The following LYPLAL1 variants were observed in gnomAD, a reference collection of about 807,000 sequenced individuals.
The protein encoded by LYPLAL1 is lysophospholipase-like protein 1.
A neutral mutation model predicts 19.7 loss-of-function variants in LYPLAL1; 23 were observed. The ratio of observed to expected loss-of-function variants is 1.17; its 90% confidence interval spans 0.84 to 1.65. LYPLAL1 has a LOEUF of 1.65. LYPLAL1 is among the 40% of genes most tolerant of loss of function. The pLI is 0.00. For missense variants in LYPLAL1, 355 were observed against 279.4 expected (o/e 1.27, Z -1.93); for synonymous variants, 119 against 96.3 (o/e 1.24, Z -1.38).
the LYPLAL1 span, among the ~76,000 whole-genome samples, chr1:219,241,140 A>ATATATATATATATATT: frequency 1.1e-5 from 1 of 94,818 alleles, no homozygotes; most frequent in Non-Finnish European, 2.3e-5. Context: ...CTCTCTATAT[A>ATATATATATATATATT]TATATATATA....
chr1:219,439,978 T>TATATATATACAC, the LYPLAL1 span, among the ~76,000 whole-genome samples: 3 of 66,090 alleles, frequency 4.5e-5, no homozygotes, highest in Admixed American at 1.4e-4. Context: ...TATATACATA[T>TATATATATACAC]ATATATATAT....
the LYPLAL1 span, among the ~76,000 whole-genome samples, chr1:219,405,686 A>G: frequency 6.6e-6 from 1 of 152,276 alleles, no homozygotes; most frequent in South Asian, 2.1e-4. Context: ...CCTTTTTTCT[A>G]ATAGCAGGCT....
At chr1:219,293,908 T>C in the LYPLAL1 span, among the ~76,000 whole-genome samples, 17 of 152,280 alleles carry the variant, frequency 1.1e-4, no homozygotes, top group African/African-American at 3.1e-4. Flanking sequence ...ACTTACGTTT[T>C]CTCTGCCTTG....
chr1:219,313,394 A>C, the LYPLAL1 span, among the ~76,000 whole-genome samples: 1 of 152,236 alleles, frequency 6.6e-6, no homozygotes, highest in Non-Finnish European at 1.5e-5. Context: ...GTGACTTTGC[A>C]CTCACAAGAC....
At chr1:219,425,157 A>T in the LYPLAL1 span, among the ~76,000 whole-genome samples, 1 of 152,152 alleles carries the variant, frequency 6.6e-6, no homozygotes, top group Non-Finnish European at 1.5e-5. Flanking sequence ...CACTGTGTTC[A>T]CAGGGTGCAA....
chr1:219,299,417 A>C, the LYPLAL1 span, among the ~76,000 whole-genome samples: 5 of 152,318 alleles, frequency 3.3e-5, no homozygotes, highest in African/African-American at 9.6e-5. Context: ...CATATGAAAT[A>C]ACAGACTCAA....
At chr1:219,340,772 A>G in the LYPLAL1 span, among the ~76,000 whole-genome samples, 1 of 152,098 alleles carries the variant, frequency 6.6e-6, no homozygotes, top group South Asian at 2.1e-4. Context: ...AGATGAGAAC[A>G]TTAAAAGGAT....
chr1:219,205,709 C>T (rs1658521090), intron 3 of LYPLAL1, among the ~76,000 whole-genome samples: 1 of 152,104 alleles, frequency 6.6e-6, no homozygotes, highest in African/African-American at 2.4e-5. Context: ...TCAAAATTTC[C>T]AGCCTGCCTT....
the LYPLAL1 span, among the ~76,000 whole-genome samples, chr1:219,404,493 C>G: frequency 6.6e-6 from 1 of 152,000 alleles, no homozygotes; most frequent in Non-Finnish European, 1.5e-5. Flanking sequence ...CTTATTGTTT[C>G]TTAGAGTGAC....
the LYPLAL1 span, among the ~76,000 whole-genome samples, chr1:219,287,879 T>A: frequency 6.6e-6 from 1 of 152,120 alleles, no homozygotes; most frequent in African/African-American, 2.4e-5. Flanking sequence ...TGTGTAGCAC[T>A]TCCCCCTTCA....
chr1:219,319,279 C>G, the LYPLAL1 span, among the ~76,000 whole-genome samples: 1 of 152,052 alleles, frequency 6.6e-6, no homozygotes. Context: ...GAGGAAAGAC[C>G]TCCCATAGCT....
chr1:219,257,156 C>G, the LYPLAL1 span, among the ~76,000 whole-genome samples: 2 of 151,926 alleles, frequency 1.3e-5, no homozygotes. Context: ...GTTAAAGTCT[C>G]TGCTATGATT....
chr1:219,354,179 G>GA, the LYPLAL1 span, among the ~76,000 whole-genome samples: 2 of 152,178 alleles, frequency 1.3e-5, no homozygotes, highest in South Asian at 2.1e-4. Context: ...GATACTTAAA[G>GA]AAAAAAATGG....
intron 2 of LYPLAL1, among the ~76,000 whole-genome samples, chr1:219,184,691 T>G (rs571028447): frequency 3.3e-5 from 5 of 152,076 alleles, no homozygotes; most frequent in South Asian, 4.1e-4. Context: ...TCCTTTGAAA[T>G]AGTCATGGTT....
the LYPLAL1 span, among the ~76,000 whole-genome samples, chr1:219,333,564 C>G: frequency 6.6e-6 from 1 of 151,944 alleles, no homozygotes; most frequent in Admixed American, 6.6e-5. Context: ...TTTTCCAACC[C>G]CTTTCTCTAT....
At chr1:219,395,629 C>T in the LYPLAL1 span, among the ~76,000 whole-genome samples, 1 of 152,012 alleles carries the variant, frequency 6.6e-6, no homozygotes, top group Non-Finnish European at 1.5e-5. Context: ...TAATTTGGTC[C>T]TATTTGTCGA....
chr1:219,353,264 T>C, the LYPLAL1 span, among the ~76,000 whole-genome samples: 1 of 152,180 alleles, frequency 6.6e-6, no homozygotes, highest in African/African-American at 2.4e-5. Flanking sequence ...TGGGAATTTG[T>C]GAAGCACAAT....
At chr1:219,219,254 T>C in the LYPLAL1 span, among the ~76,000 whole-genome samples, 1 of 152,176 alleles carries the variant, frequency 6.6e-6, no homozygotes, top group Non-Finnish European at 1.5e-5. Context: ...CAGACTGTGC[T>C]TAAATAACAA....
chr1:219,225,079 C>T, the LYPLAL1 span, among the ~76,000 whole-genome samples: 1 of 152,090 alleles, frequency 6.6e-6, no homozygotes, highest in African/African-American at 2.4e-5. Context: ...TTTTTATTCT[C>T]TCTCTGGCTG....
Sources: gnomAD v4.1 joint callset for allele counts (sites outside exome capture counted in the v4.1 genomes callset) on GRCh38, gnomAD v4.1.1 for gene constraint, MANE v1.5 for transcripts, NCBI Gene and HGNC (gene_info 2026-07-23, HGNC 2026-07-21) for gene names.